ZNF618: variants seen among roughly 807,000 people sequenced by gnomAD.
ZNF618 encodes the protein neural precursor cell expressed, developmentally down-regulated 10.
In ZNF618, 34 loss-of-function variants were observed where a neutral mutation model predicts 103.0. The ratio of observed to expected loss-of-function variants is 0.33; its 90% confidence interval spans 0.25 to 0.44. The LOEUF (loss-of-function observed/expected upper bound fraction) is 0.44. Among genes scored for constraint, ZNF618 ranks in the 20% least tolerant of loss-of-function variants. The pLI is 1.00. For missense variants in ZNF618, 1,059 were observed against 1,295.4 expected (o/e 0.82, Z 2.80); for synonymous variants, 551 against 542.2 (o/e 1.02, Z -0.23).
chr9:113,994,606 G>A (rs1010577631), intron 3 of ZNF618, among the ~76,000 whole-genome samples: 1 of 152,192 alleles, frequency 6.6e-6, no homozygotes, highest in Admixed American at 6.5e-5. Flanking sequence ...TCAGTAGGTA[G>A]AATAAAAGTC....
At chr9:113,956,533 C>T (rs1836315711) in intron 1 of ZNF618, among the ~76,000 whole-genome samples, 2 of 152,218 alleles carry the variant, frequency 1.3e-5, no homozygotes, top group Non-Finnish European at 2.9e-5. Context: ...TATGAAGCCT[C>T]ATCTTGACGT....
At chr9:113,971,545 C>T (rs563690864) in intron 2 of ZNF618, among the ~76,000 whole-genome samples, 1 of 152,142 alleles carries the variant, frequency 6.6e-6, no homozygotes. Flanking sequence ...AGGCACTGTT[C>T]GAAGTACTTC....
chr9:113,899,901 C>CG (rs1015627774), intron 1 of ZNF618, among the ~76,000 whole-genome samples: 17 of 152,088 alleles, frequency 1.1e-4, no homozygotes, highest in African/African-American at 4.1e-4. Flanking sequence ...TTGCTTCCAC[C>CG]TTTTGGCTGT....
intron 2 of ZNF618, among the ~76,000 whole-genome samples, chr9:113,983,196 T>C (rs1839129201): frequency 6.6e-6 from 1 of 152,116 alleles, no homozygotes; most frequent in Non-Finnish European, 1.5e-5. Context: ...TAAATGGATA[T>C]AATTAAAATA....
At chr9:113,976,282 C>A (rs1168634471) in intron 2 of ZNF618, among the ~76,000 whole-genome samples, 2 of 152,178 alleles carry the variant, frequency 1.3e-5, no homozygotes, top group African/African-American at 4.8e-5. Flanking sequence ...ACATGTGCTT[C>A]TTGAGCAAAG....
rs1415081538 is a variant in ZNF618, at chr9:114,055,674, C to G, written c.*5507C>G. The G allele has an allele frequency of 6.8e-6, 1 of 146,066 alleles. No individual in the cohort carries two copies. Among genetic ancestry groups the G allele is most frequent in the African/African-American group, 2.5e-5 (1 of 39,276 alleles). 9.0% of individuals were successfully genotyped at this position (146,066 alleles called of 1,614,324 possible). A position where few individuals can be genotyped will look rare whatever the true frequency, so the allele number is the denominator to read the frequency against. On this transcript the variant is annotated 3_prime_UTR_variant, in exon 15 of 15. Transcript: ENST00000374126. ...ATACCATAGACACATCTGACTGTGT[C>G]TCTCTCTTTGAGTGCAAGAAACTCA...
intron 3 of ZNF618, among the ~76,000 whole-genome samples, chr9:113,991,021 C>T (rs950666040): frequency 5.9e-5 from 9 of 152,222 alleles, no homozygotes; most frequent in Non-Finnish European, 1.2e-4. Flanking sequence ...TGTTTCTGCC[C>T]TTCACCAGGA....
At chr9:113,935,008 C>G (rs559300357) in intron 1 of ZNF618, among the ~76,000 whole-genome samples, 5 of 152,192 alleles carry the variant, frequency 3.3e-5, no homozygotes, top group African/African-American at 1.2e-4. Flanking sequence ...CCTGGCTGTC[C>G]CCAGGTGCAA....
chr9:113,945,842 C>T (rs780774672), intron 1 of ZNF618, among the ~76,000 whole-genome samples: 1 of 152,236 alleles, frequency 6.6e-6, no homozygotes, highest in African/African-American at 2.4e-5. Flanking sequence ...AAAAATGTCT[C>T]GTAAAAAGTT....
At chr9:113,890,747 T>TTGTGC (rs1220366378) in intron 1 of ZNF618, among the ~76,000 whole-genome samples, 1 of 152,200 alleles carries the variant, frequency 6.6e-6, no homozygotes, top group Non-Finnish European at 1.5e-5. Flanking sequence ...GAGTGCCCAT[T>TTGTGC]TTACACATCC....
intron 1 of ZNF618, among the ~76,000 whole-genome samples, chr9:113,889,681 A>C (rs1829442011): frequency 4.6e-5 from 7 of 152,168 alleles, no homozygotes; most frequent in African/African-American, 1.7e-4. Context: ...CCACCATACC[A>C]TCAGTGTGCC....
In ZNF618 at chr9:114,036,483, G is replaced by A. The variant is rs548592330; in HGVS notation, c.1246+106G>A. The A allele has an allele frequency of 2.7e-4, 325 of 1,207,984 alleles. 1 individual carries two copies. The South Asian group carries it at 3.9e-3, about 14-fold the overall frequency. 74.8% of individuals were successfully genotyped at this position (1,207,984 alleles called of 1,614,324 possible). A position where few individuals can be genotyped will look rare whatever the true frequency, so the allele number is the denominator to read the frequency against. On this transcript the variant is annotated intron_variant, in intron 13 of 14. Transcript: ENST00000374126. The stretch of plus-strand genomic sequence containing the variant: ...CCCCTGGAGAAGGCCGCTCTTTCCT[G>A]GAAAATGGTCACAGGACATGGAACC...
At chr9:113,912,036 G>T (rs745599293) in intron 1 of ZNF618, among the ~76,000 whole-genome samples, 4 of 152,190 alleles carry the variant, frequency 2.6e-5, no homozygotes, top group Non-Finnish European at 5.9e-5. Flanking sequence ...TGATTCAGCA[G>T]GTGTGGGCGG....
At chr9:113,905,792 G>A (rs1830936334) in intron 1 of ZNF618, among the ~76,000 whole-genome samples, 1 of 152,086 alleles carries the variant, frequency 6.6e-6, no homozygotes, top group Admixed American at 6.5e-5. Context: ...TCCCTTGCAT[G>A]TTTCACCTTC....
intron 1 of ZNF618, among the ~76,000 whole-genome samples, chr9:113,888,800 A>G (rs1198656978): frequency 6.6e-6 from 1 of 152,222 alleles, no homozygotes; most frequent in Non-Finnish European, 1.5e-5. Context: ...CTCAGAAGGC[A>G]TGTGCTGTTA....
chr9:113,938,413 T>C (rs1191516591), intron 1 of ZNF618, among the ~76,000 whole-genome samples: 2 of 151,914 alleles, frequency 1.3e-5, no homozygotes, highest in African/African-American at 2.4e-5. Context: ...ACTCCTGGCT[T>C]CAAGTGATTC....
chr9:113,943,244 C>T (rs1037460706), intron 1 of ZNF618, among the ~76,000 whole-genome samples: 4 of 152,196 alleles, frequency 2.6e-5, no homozygotes, highest in African/African-American at 9.6e-5. Context: ...ATTGTGATAG[C>T]CTGCGGTAAG....
At chr9:113,979,435 A>G (rs1564247837) in intron 2 of ZNF618, among the ~76,000 whole-genome samples, 2 of 152,256 alleles carry the variant, frequency 1.3e-5, no homozygotes, top group African/African-American at 4.8e-5. Flanking sequence ...ATAAAGATAT[A>G]ACTTTGACAC....
intron 1 of ZNF618, among the ~76,000 whole-genome samples, chr9:113,957,139 G>A (rs1259047585): frequency 6.6e-6 from 1 of 152,186 alleles, no homozygotes; most frequent in Non-Finnish European, 1.5e-5. Flanking sequence ...CGGCCGGAGA[G>A]ATCAGAATGT....
Sources: allele counts gnomAD v4.1 joint callset (sites outside exome capture counted in the v4.1 genomes callset), GRCh38; gene constraint gnomAD v4.1.1; transcripts MANE v1.5; gene names NCBI Gene and HGNC (gene_info 2026-07-23, HGNC 2026-07-21).